CHRM2: variants seen among roughly 807,000 people sequenced by gnomAD.
CHRM2 encodes the protein cholinergic receptor muscarinic 2, also known as muscarinic acetylcholine receptor M2.
In CHRM2, 8 loss-of-function variants were observed where a neutral mutation model predicts 25.0. The observed-to-expected ratio is 0.32, with a 90% CI of 0.19 to 0.58. CHRM2 has a LOEUF of 0.58. CHRM2 is among the 20% of genes least tolerant of loss of function. CHRM2 has a pLI of 0.88. For missense variants in CHRM2, 440 were observed against 567.1 expected, an observed-to-expected ratio of 0.78 and a Z score of 2.28; for synonymous variants, 202 against 205.7, an observed-to-expected ratio of 0.98 and a Z score of 0.15.
At chr7:136,902,962 A>G in intron 2 of CHRM2, 1 of 364,668 alleles carries the variant, frequency 2.7e-6, no homozygotes, top group Non-Finnish European at 5.3e-6. Flanking sequence ...TTATCAAACA[A>G]ACAAAGCTTC....
intron 2 of CHRM2, among the ~76,000 whole-genome samples, chr7:136,904,694 T>C (rs1281653581): frequency 2.0e-5 from 3 of 151,948 alleles, no homozygotes; most frequent in Non-Finnish European, 2.9e-5. Context: ...TCTTCTTTAA[T>C]ATTGGGAACA....
chr7:137,005,996 C>T (rs1036805859), intron 3 of CHRM2, among the ~76,000 whole-genome samples: 2 of 152,086 alleles, frequency 1.3e-5, no homozygotes, highest in African/African-American at 4.8e-5. Context: ...TTCCATTTTC[C>T]TTTCACTCTT....
intron 2 of CHRM2, among the ~76,000 whole-genome samples, chr7:136,976,228 T>C (rs1283771125): frequency 2.0e-5 from 3 of 152,146 alleles, no homozygotes; most frequent in African/African-American, 4.8e-5. Context: ...CTATGAAGTA[T>C]TGCATGACAT....
chr7:136,930,126 G>A (rs1395060736), intron 2 of CHRM2, among the ~76,000 whole-genome samples: 1 of 151,990 alleles, frequency 6.6e-6, no homozygotes, highest in Non-Finnish European at 1.5e-5. Context: ...ATGCATGTAT[G>A]AGAAGCACTT....
chr7:136,950,656 CA>C (rs1487765799), intron 2 of CHRM2, among the ~76,000 whole-genome samples: 1 of 151,530 alleles, frequency 6.6e-6, no homozygotes, highest in African/African-American at 2.4e-5. Flanking sequence ...CTAAAAACAA[CA>C]AAAAAAGAAA....
chr7:136,911,256 C>A (rs1797828014), intron 2 of CHRM2, among the ~76,000 whole-genome samples: 1 of 151,712 alleles, frequency 6.6e-6, no homozygotes. Flanking sequence ...AAAATATTAT[C>A]TTAGATTGAT....
At chr7:136,903,155 C>T (rs371039103) in intron 2 of CHRM2, 3 of 534,030 alleles carry the variant, frequency 5.6e-6, no homozygotes, top group Non-Finnish European at 1.2e-5. Flanking sequence ...AAGAGGATCT[C>T]CCTTCACTTT....
intron 2 of CHRM2, among the ~76,000 whole-genome samples, chr7:136,941,632 T>C (rs1799778322): frequency 6.6e-6 from 1 of 152,226 alleles, no homozygotes; most frequent in Non-Finnish European, 1.5e-5. Context: ...CCTATAAATA[T>C]GTCTGGACTG....
At chr7:136,976,965 T>C (rs978590675) in intron 2 of CHRM2, among the ~76,000 whole-genome samples, 8 of 152,246 alleles carry the variant, frequency 5.3e-5, no homozygotes, top group Admixed American at 4.6e-4. Flanking sequence ...GTCTATTGAC[T>C]ATGTAAACAT....
intron 2 of CHRM2, among the ~76,000 whole-genome samples, chr7:136,991,785 A>G (rs1246049614): frequency 6.6e-6 from 1 of 152,132 alleles, no homozygotes; most frequent in African/African-American, 2.4e-5. Flanking sequence ...GTATGATGAA[A>G]CTTAGCAAAT....
At chr7:136,967,036 C>A (rs932037437) in intron 2 of CHRM2, among the ~76,000 whole-genome samples, 1 of 151,820 alleles carries the variant, frequency 6.6e-6, no homozygotes, top group African/African-American at 2.4e-5. Flanking sequence ...GATCTAGGAA[C>A]AATAATGATT....
chr7:136,872,443 C>T (rs966726657), intron 2 of CHRM2, among the ~76,000 whole-genome samples: 3 of 152,138 alleles, frequency 2.0e-5, no homozygotes, highest in African/African-American at 7.2e-5. Flanking sequence ...AAAAAACAAA[C>T]AAACAAAAAC....
chr7:136,995,061 C>A (rs538332791), intron 3 of CHRM2, among the ~76,000 whole-genome samples: 2 of 151,900 alleles, frequency 1.3e-5, no homozygotes, highest in Non-Finnish European at 2.9e-5. Context: ...ATTATTTATA[C>A]GGAGAAAGTG....
intron 2 of CHRM2, among the ~76,000 whole-genome samples, chr7:136,975,374 A>G (rs1420747839): frequency 2.6e-5 from 4 of 152,194 alleles, no homozygotes; most frequent in African/African-American, 7.2e-5. Context: ...AAATAAAGTT[A>G]TATTTCTAAT....
At chr7:136,916,191 T>C (rs952433810) in intron 2 of CHRM2, among the ~76,000 whole-genome samples, 1 of 151,810 alleles carries the variant, frequency 6.6e-6, no homozygotes, top group Non-Finnish European at 1.5e-5. Context: ...GGGAGTGATA[T>C]AAGTGTATCA....
At chr7:136,966,649 C>T (rs1801432786) in intron 2 of CHRM2, among the ~76,000 whole-genome samples, 1 of 151,254 alleles carries the variant, frequency 6.6e-6, no homozygotes, top group African/African-American at 2.4e-5. Context: ...CTGAAATTTA[C>T]TTAAAAATAT....
At chr7:137,000,963 C>T (rs1803995971) in intron 3 of CHRM2, among the ~76,000 whole-genome samples, 1 of 152,168 alleles carries the variant, frequency 6.6e-6, no homozygotes, top group African/African-American at 2.4e-5. Context: ...GTGGTTCATA[C>T]TTAGAATAAA....
At chr7:136,999,960 T>C (rs568039934) in intron 3 of CHRM2, among the ~76,000 whole-genome samples, 4 of 152,162 alleles carry the variant, frequency 2.6e-5, no homozygotes, top group African/African-American at 4.8e-5. Flanking sequence ...AGCAAAGCTA[T>C]ACAATTCACC....
chr7:136,894,621 C>T (rs111815945), intron 2 of CHRM2, among the ~76,000 whole-genome samples: 2 of 152,304 alleles, frequency 1.3e-5, no homozygotes, highest in African/African-American at 4.8e-5. Context: ...ATCCACCCGC[C>T]TCGGCCTCCC....
Sources: allele counts gnomAD v4.1 joint callset (sites outside exome capture counted in the v4.1 genomes callset), GRCh38; gene constraint gnomAD v4.1.1; transcripts MANE v1.5; gene names NCBI Gene and HGNC (gene_info 2026-07-23, HGNC 2026-07-21).